FSTL5: variants seen among roughly 807,000 people sequenced by gnomAD.
The protein encoded by FSTL5 is follistatin like 5.
FSTL5 carries 62 observed loss-of-function variants against 89.1 expected under a neutral mutation model. That is an observed-to-expected ratio of 0.70 (90% CI 0.57 to 0.86). FSTL5 has a LOEUF of 0.86. Among genes scored for constraint, FSTL5 ranks in the 40% least tolerant of loss-of-function variants. The probability of loss-of-function intolerance (pLI) is 0.00; values close to 1 mark genes in which losing one functional copy is unlikely to be tolerated. For missense variants in FSTL5, 1,057 were observed against 1,001.6 expected (o/e 1.06, Z -0.75); for synonymous variants, 383 against 346.2 (o/e 1.11, Z -1.18).
At chr4:161,512,783 A>C (rs80182211) in intron 10 of FSTL5, among the ~76,000 whole-genome samples, 1 of 152,252 alleles carries the variant, frequency 6.6e-6, no homozygotes, top group South Asian at 2.1e-4. Flanking sequence ...TTTAACTGTT[A>C]AAGTTGGATG....
At chr4:161,641,725 C>T (rs187459986) in intron 7 of FSTL5, among the ~76,000 whole-genome samples, 16 of 152,024 alleles carry the variant, frequency 1.1e-4, no homozygotes, top group Admixed American at 6.6e-4. Context: ...CTCCTGACCT[C>T]GTTATCTGCC....
At chr4:161,833,477 G>A (rs1365963072) in intron 4 of FSTL5, among the ~76,000 whole-genome samples, 1 of 88,992 alleles carries the variant, frequency 1.1e-5, no homozygotes, top group Admixed American at 1.3e-4. Flanking sequence ...TGTTGACAGT[G>A]GGGTGTTAAA....
In FSTL5 at chr4:161,662,138, C is replaced by CCA. The variant is rs535290637; in HGVS notation, c.728-5646_728-5645dup. On this transcript the variant is annotated intron_variant, in intron 6 of 15. Coordinates refer to ENST00000306100, the MANE Select transcript of FSTL5 (RefSeq NM_020116.5). ...ATCTCTGTGCTAAGACTTTAAGGTG[C>CCA]CACGATCTGAAACTGAATATATGGA... 2.4e-3 allele frequency among the ~76,000 whole-genome samples: 370 copies of CCA among 152,162 alleles called. 3 individuals carry two copies. Among genetic ancestry groups the CCA allele is most frequent in the Non-Finnish European group, 3.6e-3 (242 of 68,002 alleles).
intron 3 of FSTL5, among the ~76,000 whole-genome samples, chr4:161,952,972 T>A (rs7685893): frequency 0.011 from 1,675 of 151,846 alleles, 28 homozygotes; most frequent in African/African-American, 0.038. Flanking sequence ...AATTATATGA[T>A]CATTTACTAC....
intron 10 of FSTL5, among the ~76,000 whole-genome samples, chr4:161,521,866 A>AAAAAAAAAAAAG (rs1731046246): frequency 5.2e-5 from 6 of 116,388 alleles, no homozygotes; most frequent in Admixed American, 1.0e-4. Flanking sequence ...AAAAAAAAAG[A>AAAAAAAAAAAAG]AAAAAAAAGA....
At chr4:161,756,253 A>C (rs1269645919) in intron 6 of FSTL5, among the ~76,000 whole-genome samples, 1 of 152,118 alleles carries the variant, frequency 6.6e-6, no homozygotes, top group Non-Finnish European at 1.5e-5. Flanking sequence ...TGATTATCTA[A>C]AAAGAAAAAA....
chr4:162,066,787 A>C (rs1160700954), intron 2 of FSTL5, among the ~76,000 whole-genome samples: 1 of 152,038 alleles, frequency 6.6e-6, no homozygotes. Flanking sequence ...GCTGCATAGT[A>C]TTCCATGGTG....
intron 11 of FSTL5, among the ~76,000 whole-genome samples, chr4:161,505,493 G>T (rs561301886): frequency 6.6e-6 from 1 of 152,226 alleles, no homozygotes; most frequent in African/African-American, 2.4e-5. Context: ...CAGAGTGATA[G>T]TATCTAAAAC....
intron 11 of FSTL5, among the ~76,000 whole-genome samples, chr4:161,507,669 C>A (rs1343315650): frequency 1.3e-5 from 2 of 151,606 alleles, no homozygotes; most frequent in Non-Finnish European, 3.0e-5. Flanking sequence ...AAGTGGAGCC[C>A]AGAGAAGTAG....
At chr4:162,096,401 T>C (rs1050871428) in intron 2 of FSTL5, among the ~76,000 whole-genome samples, 3 of 151,382 alleles carry the variant, frequency 2.0e-5, no homozygotes, top group African/African-American at 7.3e-5. Flanking sequence ...TATAAATATT[T>C]ATTACTTATA....
chr4:161,693,807 T>G (rs949684884), intron 6 of FSTL5, among the ~76,000 whole-genome samples: 6 of 151,556 alleles, frequency 4.0e-5, no homozygotes, highest in Non-Finnish European at 8.8e-5. Context: ...CCCGGCTACT[T>G]TTTTGTATTT....
chr4:161,544,504 T>C (rs1302420324), intron 8 of FSTL5, among the ~76,000 whole-genome samples: 1 of 151,934 alleles, frequency 6.6e-6, no homozygotes, highest in Non-Finnish European at 1.5e-5. Flanking sequence ...AATGACTGCT[T>C]AATGGATATG....
intron 1 of FSTL5, among the ~76,000 whole-genome samples, chr4:162,161,266 T>G (rs1340401461): frequency 6.6e-6 from 1 of 151,930 alleles, no homozygotes; most frequent in African/African-American, 2.4e-5. Context: ...GATCAAAGAC[T>G]TAATAAGGGG....
chr4:161,817,306 T>G (rs545994378), intron 4 of FSTL5, among the ~76,000 whole-genome samples: 1 of 152,176 alleles, frequency 6.6e-6, no homozygotes. Context: ...ATAAGATACA[T>G]TCAGGGTCAG....
intron 12 of FSTL5, among the ~76,000 whole-genome samples, chr4:161,481,383 T>C (rs1041771670): frequency 6.6e-6 from 1 of 152,136 alleles, no homozygotes; most frequent in African/African-American, 2.4e-5. Flanking sequence ...AAATTTTATG[T>C]TCTTAATTAC....
At chr4:162,162,780 C>A (rs1327282534) in intron 1 of FSTL5, among the ~76,000 whole-genome samples, 1 of 152,168 alleles carries the variant, frequency 6.6e-6, no homozygotes, top group Admixed American at 6.5e-5. Context: ...TTAAACATTG[C>A]TGAAATAGTG....
At chr4:162,140,602 T>C (rs1475529477) in intron 1 of FSTL5, among the ~76,000 whole-genome samples, 1 of 152,166 alleles carries the variant, frequency 6.6e-6, no homozygotes, top group Non-Finnish European at 1.5e-5. Flanking sequence ...ATCTGACAGA[T>C]GAGTGAAATT....
At chr4:161,481,737 T>C (rs1729518078) in intron 12 of FSTL5, among the ~76,000 whole-genome samples, 1 of 152,196 alleles carries the variant, frequency 6.6e-6, no homozygotes, top group African/African-American at 2.4e-5. Flanking sequence ...TCTTTCAATA[T>C]TCCCAAAGCT....
chr4:161,648,788 A>C (rs1309478343), intron 7 of FSTL5, among the ~76,000 whole-genome samples: 1 of 152,194 alleles, frequency 6.6e-6, no homozygotes, highest in Non-Finnish European at 1.5e-5. Context: ...AATACTAAAA[A>C]GCTGTCTGTC....
Sources: allele counts gnomAD v4.1 joint callset (sites outside exome capture counted in the v4.1 genomes callset), GRCh38; gene constraint gnomAD v4.1.1; transcripts MANE v1.5; gene names NCBI Gene and HGNC (gene_info 2026-07-23, HGNC 2026-07-21).